TMEM135: variants seen among roughly 807,000 people sequenced by gnomAD.
TMEM135 encodes transmembrane protein 135, also known as peroxisomal membrane protein 52.
In TMEM135, 30 loss-of-function variants were observed where a neutral mutation model predicts 60.3. The observed-to-expected ratio is 0.50, with a 90% confidence interval of 0.37 to 0.68. The LOEUF (loss-of-function observed/expected upper bound fraction) is 0.68, where lower values mean the gene tolerates loss of function less well. Ranked by LOEUF, TMEM135 falls within the 30% of genes least tolerant of loss-of-function variation. TMEM135 has a pLI of 0.00. For synonymous variants in TMEM135, 190 were observed against 186.7 expected, an observed-to-expected ratio of 1.02 and a Z score of -0.14; for missense variants, 468 against 548.8, an observed-to-expected ratio of 0.85 and a Z score of 1.47.
intron 6 of TMEM135, among the ~76,000 whole-genome samples, chr11:87,267,859 T>C (rs1941780805): frequency 6.6e-6 from 1 of 152,052 alleles, no homozygotes; most frequent in Non-Finnish European, 1.5e-5. Context: ...GCCTGGAGAA[T>C]TTTTGTATTT....
intron 5 of TMEM135, among the ~76,000 whole-genome samples, chr11:87,199,345 C>T (rs901772684): frequency 6.6e-6 from 1 of 152,124 alleles, no homozygotes; most frequent in African/African-American, 2.4e-5. Flanking sequence ...CAAGACGGTG[C>T]GTTCATGTCA....
chr11:87,138,472 T>C (rs375678110), intron 4 of TMEM135, among the ~76,000 whole-genome samples: 2 of 151,592 alleles, frequency 1.3e-5, no homozygotes, highest in Non-Finnish European at 2.9e-5. Flanking sequence ...TAAGGAAATA[T>C]TTGTTCATAC....
intron 6 of TMEM135, among the ~76,000 whole-genome samples, chr11:87,241,276 T>C (rs1196152471): frequency 6.6e-6 from 1 of 152,104 alleles, no homozygotes; most frequent in East Asian, 1.9e-4. Flanking sequence ...AAACTTTTGA[T>C]CTTGGCGTTT....
At chr11:87,233,662 T>C (rs773566625) in intron 5 of TMEM135, among the ~76,000 whole-genome samples, 3 of 152,104 alleles carry the variant, frequency 2.0e-5, no homozygotes, top group African/African-American at 4.8e-5. Flanking sequence ...AACTACAGTA[T>C]TGGACTACAG....
At chr11:87,162,602 T>C (rs1314014520) in intron 5 of TMEM135, among the ~76,000 whole-genome samples, 3 of 152,210 alleles carry the variant, frequency 2.0e-5, no homozygotes, top group Non-Finnish European at 4.4e-5. Flanking sequence ...TGCCACATTT[T>C]CTTTATCCAG....
intron 6 of TMEM135, among the ~76,000 whole-genome samples, chr11:87,272,046 CTTTT>C (rs1941873494): frequency 1.4e-5 from 1 of 69,602 alleles, no homozygotes; most frequent in Non-Finnish European, 4.5e-5. Context: ...CTTTCTTTTT[CTTTT>C]CTTTTTTTTT....
intron 6 of TMEM135, among the ~76,000 whole-genome samples, chr11:87,287,382 A>C (rs1181135861): frequency 1.3e-5 from 2 of 152,222 alleles, no homozygotes; most frequent in African/African-American, 4.8e-5. Flanking sequence ...GATACTTAAT[A>C]AATGTTTGTT....
intron 4 of TMEM135, among the ~76,000 whole-genome samples, chr11:87,103,817 G>T (rs1227535870): frequency 6.6e-6 from 1 of 151,908 alleles, no homozygotes; most frequent in Admixed American, 6.6e-5. Flanking sequence ...ACTATGCCCG[G>T]CTAGTTTTTG....
At chr11:87,097,461 G>A (rs1165687094) in intron 4 of TMEM135, among the ~76,000 whole-genome samples, 1 of 152,200 alleles carries the variant, frequency 6.6e-6, no homozygotes, top group Non-Finnish European at 1.5e-5. Context: ...ATCACAAGGT[G>A]AAGTGTGACA....
In TMEM135 at chr11:87,258,830, C is replaced by A. The variant is rs1175136466; in HGVS notation, c.509+22146C>A. ...TCTGACTTCTCCCACGGAGACAGCT[C>A]ATATACGGCAGTAACAATCTAGATC... On this transcript the variant is annotated intron_variant, in intron 6 of 14. Coordinates refer to ENST00000305494, the MANE Select transcript of TMEM135 (RefSeq NM_022918.4). 1.0e-5 allele frequency: 7 copies of A among 694,538 alleles called. No individual in the cohort carries two copies. In the Admixed American group the frequency reaches 1.4e-4, roughly 14 times the overall value. 43.0% of individuals were successfully genotyped at this position (694,538 alleles called of 1,614,324 possible). A position where few individuals can be genotyped will look rare whatever the true frequency, so the allele number is the denominator to read the frequency against.
At chr11:87,167,629 G>T (rs915514718) in intron 5 of TMEM135, among the ~76,000 whole-genome samples, 3 of 152,110 alleles carry the variant, frequency 2.0e-5, no homozygotes, top group African/African-American at 7.2e-5. Context: ...TGTGTATGTT[G>T]AACCAGCCTT....
At chr11:87,218,502 C>T (rs937363963) in intron 5 of TMEM135, among the ~76,000 whole-genome samples, 6 of 152,146 alleles carry the variant, frequency 3.9e-5, no homozygotes, top group African/African-American at 1.4e-4. Flanking sequence ...TTAACATCTA[C>T]TATCTGTTAC....
Position 87,313,413 on chromosome 11 carries a change from C to G in TMEM135, c.937-12C>G, listed in dbSNP as rs1417077571. ...AAAATAACTGAAGTCATTGTATTTT[C>G]TCCTTAACTAGGGTACTAGTTGCTT... On this transcript the variant is annotated splice_polypyrimidine_tract_variant and intron_variant, in intron 10 of 14. Transcript: ENST00000305494. 1 of 1,604,036 alleles carries G rather than the reference C, an allele frequency of 6.2e-7. No individual in the cohort carries two copies. Among genetic ancestry groups the G allele is most frequent in the Non-Finnish European group, 8.5e-7 (1 of 1,172,032 alleles).
chr11:87,313,512 G>T, intron 11 of TMEM135, 24 bp downstream of exon 11: 2 of 1,554,204 alleles, frequency 1.3e-6, no homozygotes, highest in Non-Finnish European at 1.8e-6. Flanking sequence ...AAAAATGAAT[G>T]GTTATTATTG....
intron 11 of TMEM135, 65 bp downstream of exon 11, chr11:87,313,553 TACCA>T: frequency 5.4e-6 from 7 of 1,293,262 alleles, no homozygotes; most frequent in Non-Finnish European, 7.8e-6. Context: ...GAATTGGAAA[TACCA>T]TCCAATTCAT....
At chr11:87,093,505 C>T (rs1857255669) in intron 4 of TMEM135, among the ~76,000 whole-genome samples, 2 of 151,888 alleles carry the variant, frequency 1.3e-5, no homozygotes, top group South Asian at 4.2e-4. Flanking sequence ...GCCACTTTGC[C>T]CAGCCAATTT....
intron 4 of TMEM135, among the ~76,000 whole-genome samples, chr11:87,145,070 T>C (rs1938376645): frequency 1.3e-5 from 2 of 152,158 alleles, no homozygotes; most frequent in Admixed American, 1.3e-4. Flanking sequence ...AAAAGCCATA[T>C]TTCTCTGGAG....
intron 6 of TMEM135, among the ~76,000 whole-genome samples, chr11:87,277,722 A>G (rs1941993488): frequency 1.3e-5 from 2 of 151,974 alleles, no homozygotes; most frequent in South Asian, 4.1e-4. Flanking sequence ...GGGTTTCACC[A>G]TATTGGCCAG....
intron 4 of TMEM135, among the ~76,000 whole-genome samples, chr11:87,142,659 T>C (rs932839954): frequency 1.3e-5 from 2 of 152,006 alleles, no homozygotes; most frequent in African/African-American, 4.8e-5. Flanking sequence ...TGTTTTTCCT[T>C]TTTGGAGTTC....
Sources: gnomAD v4.1 joint callset for allele counts (sites outside exome capture counted in the v4.1 genomes callset) on GRCh38, gnomAD v4.1.1 for gene constraint, MANE v1.5 for transcripts, NCBI Gene and HGNC (gene_info 2026-07-23, HGNC 2026-07-21) for gene names.